The following TRPC4AP variants were observed in gnomAD, a reference collection of about 807,000 sequenced individuals.
TRPC4AP encodes the protein short transient receptor potential channel 4-associated protein.
A neutral mutation model predicts 99.0 loss-of-function variants in TRPC4AP; 45 were observed. The ratio of observed to expected loss-of-function variants is 0.45; its 90% confidence interval spans 0.36 to 0.58. TRPC4AP has a LOEUF of 0.58. TRPC4AP is among the 20% of genes least tolerant of loss of function. The probability of loss-of-function intolerance (pLI) is 0.00; values close to 1 mark genes in which losing one functional copy is unlikely to be tolerated. For synonymous variants in TRPC4AP, 408 were observed against 385.8 expected, an observed-to-expected ratio of 1.06 and a Z score of -0.67; for missense variants, 879 against 985.3, an observed-to-expected ratio of 0.89 and a Z score of 1.44.
intron 12 of TRPC4AP, 78 bp downstream of exon 12, chr20:35,010,109 G>A (rs1380048923): frequency 1.7e-6 from 2 of 1,184,022 alleles, no homozygotes; most frequent in Admixed American, 1.7e-5. Flanking sequence ...TGCATACCTG[G>A]ATGTGCTCAC....
intron 5 of TRPC4AP, among the ~76,000 whole-genome samples, chr20:35,050,578 T>C (rs1255033573): frequency 6.6e-6 from 1 of 151,814 alleles, no homozygotes; most frequent in Non-Finnish European, 1.5e-5. Flanking sequence ...CTGGGTGTGG[T>C]GGTGCATGCC....
At chr20:35,005,397 G>A (rs940896855) in intron 16 of TRPC4AP, among the ~76,000 whole-genome samples, 10 of 152,226 alleles carry the variant, frequency 6.6e-5, no homozygotes, top group South Asian at 2.1e-4. Context: ...GCGATGCCAC[G>A]CACAGCACAC....
chr20:35,026,771 A>G (rs927454481), intron 8 of TRPC4AP, among the ~76,000 whole-genome samples: 2 of 152,194 alleles, frequency 1.3e-5, no homozygotes, highest in African/African-American at 2.4e-5. Flanking sequence ...TTCTCAGAGT[A>G]TAAGTTTTAC....
In TRPC4AP at chr20:35,080,552, A is replaced by AG. The variant is rs1357883756; in HGVS notation, c.169-2379_169-2378insC. Among the ~76,000 whole-genome samples the AG allele has an allele frequency of 6.6e-5, 10 of 151,700 alleles. No individual in the cohort carries two copies. The East Asian group carries it at 1.9e-3, about 29-fold the overall frequency. On this transcript the variant is annotated intron_variant, in intron 1 of 18. Transcript: ENST00000252015. ...CTCCATCTAAAAAAAAAAAAAAAAA[A>AG]AAAACCTAAAAGAAGCCAGTCTCAA...
chr20:35,009,784 C>T (rs1569081114), intron 12 of TRPC4AP, among the ~76,000 whole-genome samples: 1 of 152,252 alleles, frequency 6.6e-6, no homozygotes, highest in Admixed American at 6.5e-5. Flanking sequence ...CCAGGTAATG[C>T]AACCTAACAC....
intron 4 of TRPC4AP, among the ~76,000 whole-genome samples, chr20:35,056,129 G>A (rs1045601600): frequency 1.4e-4 from 21 of 152,178 alleles, no homozygotes; most frequent in African/African-American, 5.1e-4. Context: ...CAACGCAGAC[G>A]CTCTGCATCC....
intron 8 of TRPC4AP, among the ~76,000 whole-genome samples, chr20:35,028,183 A>T (rs975137162): frequency 6.6e-6 from 1 of 150,870 alleles, no homozygotes; most frequent in African/African-American, 2.4e-5. Flanking sequence ...GATATATAGT[A>T]TCATTTTCAT....
chr20:35,068,587 T>C (rs945262541), intron 3 of TRPC4AP, among the ~76,000 whole-genome samples: 10 of 152,068 alleles, frequency 6.6e-5, no homozygotes, highest in Admixed American at 6.6e-4. Flanking sequence ...AGTGGTATGA[T>C]CTTGGCTCAC....
chr20:35,050,512 C>T (rs1418837435), intron 5 of TRPC4AP, among the ~76,000 whole-genome samples: 2 of 151,566 alleles, frequency 1.3e-5, no homozygotes, highest in South Asian at 2.1e-4. Flanking sequence ...GCCAGGAGTT[C>T]GAGACCAGCC....
chr20:35,011,600 G>A (rs7273734), intron 11 of TRPC4AP, among the ~76,000 whole-genome samples: 8 of 152,114 alleles, frequency 5.3e-5, no homozygotes, highest in African/African-American at 7.2e-5. Flanking sequence ...TGGACCATCT[G>A]TATATAAAAT....
rs368385558 is a variant in TRPC4AP at position 35,078,768 on chromosome 20, T to C, written c.169-594A>G. Among the ~76,000 whole-genome samples the C allele has an allele frequency of 7.9e-5, 12 of 152,154 alleles. 2 individuals carry two copies. Among genetic ancestry groups the C allele is most frequent in the Admixed American group, 6.5e-5 (1 of 15,284 alleles). On this transcript the variant is annotated intron_variant, in intron 1 of 18. Transcript: ENST00000252015. ...CATTTAAATATACATATAGATAGGT[T>C]AAAAGTAAGGGAAAAGGCCAGGCAC...
At chr20:35,041,351 C>T (rs944096869) in intron 7 of TRPC4AP, among the ~76,000 whole-genome samples, 1 of 152,014 alleles carries the variant, frequency 6.6e-6, no homozygotes, top group Non-Finnish European at 1.5e-5. Context: ...GAAAATCGTG[C>T]GGGTAAGGGA....
At chr20:35,060,138 G>C (rs1600618504) in intron 3 of TRPC4AP, among the ~76,000 whole-genome samples, 2 of 152,246 alleles carry the variant, frequency 1.3e-5, no homozygotes, top group East Asian at 3.9e-4. Context: ...AAAAACAGAA[G>C]AGAAGGAAAC....
intron 4 of TRPC4AP, among the ~76,000 whole-genome samples, chr20:35,057,231 A>G (rs888763678): frequency 6.6e-6 from 1 of 152,184 alleles, no homozygotes; most frequent in Non-Finnish European, 1.5e-5. Context: ...TCAGCTAGTT[A>G]TATGTGAGAA....
intron 3 of TRPC4AP, among the ~76,000 whole-genome samples, chr20:35,063,433 A>G (rs1320367903): frequency 6.6e-6 from 1 of 152,188 alleles, no homozygotes; most frequent in African/African-American, 2.4e-5. Context: ...GCTGGGGAGA[A>G]GGGGAGATGG....
chr20:35,086,525 A>ATGTGTGTGTGTGTG (rs1176461079), intron 1 of TRPC4AP, among the ~76,000 whole-genome samples: 2 of 69,190 alleles, frequency 2.9e-5, no homozygotes, highest in Non-Finnish European at 5.7e-5. Context: ...GTGTGTATAT[A>ATGTGTGTGTGTGTG]TGTGTGTGTG....
chr20:35,032,709 T>C (rs2083230143), intron 8 of TRPC4AP, among the ~76,000 whole-genome samples: 3 of 151,882 alleles, frequency 2.0e-5, no homozygotes. Context: ...CCTGACCTCG[T>C]GATCCGCCCG....
chr20:35,057,503 G>A lies in TRPC4AP; in HGVS notation c.472+11C>T. The A allele has an allele frequency of 1.2e-6, 2 of 1,607,130 alleles. No homozygotes were observed. The highest frequency in any genetic ancestry group is 1.7e-6 in the Non-Finnish European group (2 of 1,175,562). On this transcript the variant is annotated intron_variant, in intron 4 of 18. Transcript: ENST00000252015. ...GGAAAACAAGGACCAGTAGCTAATA[G>A]GTATACTTACTTTTCAGTTTCTGTC...
rs765584035 is a variant in TRPC4AP at position 35,008,791 on chromosome 20, CA to C, written c.1512-45del. The C allele has an allele frequency of 2.5e-6, 4 of 1,576,804 alleles. No individual in the cohort carries two copies. In the African/African-American group the frequency reaches 4.0e-5, roughly 16 times the overall value. ...ATTGGTGACAGATCTGAGAGGCTGA[CA>C]GGGGCCCTGGGGATGGGTCATTCTG... On this transcript the variant is annotated intron_variant, in intron 12 of 18. Coordinates refer to ENST00000252015, the MANE Select transcript of TRPC4AP (RefSeq NM_015638.3).
Sources: allele counts gnomAD v4.1 joint callset (sites outside exome capture counted in the v4.1 genomes callset), GRCh38; gene constraint gnomAD v4.1.1; transcripts MANE v1.5; gene names NCBI Gene and HGNC (gene_info 2026-07-23, HGNC 2026-07-21).